The following NEBL variants were observed in gnomAD, a reference collection of about 807,000 sequenced individuals.
NEBL encodes the protein nebulette.
NEBL carries 122 observed loss-of-function variants against 140.2 expected under a neutral mutation model. The ratio of observed to expected loss-of-function variants is 0.87; its 90% CI spans 0.75 to 1.01. NEBL has a LOEUF of 1.01. Ranked by LOEUF, NEBL falls within the 50% of genes least tolerant of loss-of-function variation. The pLI is 0.00. For missense variants in NEBL, 1,365 were observed against 1,231.3 expected (o/e 1.11, Z -1.62); for synonymous variants, 436 against 398.9 (o/e 1.09, Z -1.11).
intron 24 of NEBL, among the ~76,000 whole-genome samples, chr10:20,811,807 C>T (rs1003034586): frequency 5.9e-5 from 9 of 152,160 alleles, no homozygotes; most frequent in South Asian, 2.1e-4. Context: ...CTTTAAGCTA[C>T]GTAACTACAT....
At chr10:21,257,478 A>G (rs914061630) in intron 1 of NEBL, among the ~76,000 whole-genome samples, 1 of 152,244 alleles carries the variant, frequency 6.6e-6, no homozygotes, top group Non-Finnish European at 1.5e-5. Context: ...TGCCTGGCAC[A>G]TAATAGCTAG....
Position 21,044,329 on chromosome 10 carries a change from G to A in NEBL, c.165-24128C>T, listed in dbSNP as rs373199762. On this transcript the variant is annotated intron_variant, in intron 2 of 6. Coordinates refer to the NEBL transcript ENST00000417816. ...GGAGAATCGCTTGAACCCGGGAGGC[G>A]GAGGTTGAAGTGAGCTGAGATGGTG... Among the ~76,000 whole-genome samples, 182 of 148,382 alleles carry A rather than the reference G, an allele frequency of 1.2e-3. 1 individual carries two copies. The highest frequency in any genetic ancestry group is 4.3e-3 in the African/African-American group (173 of 40,618).
intron 24 of NEBL, among the ~76,000 whole-genome samples, chr10:20,810,265 C>T (rs1838006502): frequency 2.6e-5 from 4 of 152,112 alleles, no homozygotes; most frequent in African/African-American, 9.7e-5. Flanking sequence ...TTGCTCTCCA[C>T]AGGCTGAAAC....
chr10:20,835,509 T>C lies in NEBL; in HGVS notation c.1449+4A>G. 1 of 1,603,066 alleles carries C rather than the reference T, an allele frequency of 6.2e-7. No homozygotes were observed. ...TTAAGGCCTGCATCACGCACCCTAC[T>C]AACCTCACTCGCTATCTCTGCAGCC... is the stretch of plus-strand genomic sequence containing the variant. On this transcript the variant is annotated splice_donor_region_variant and intron_variant, in intron 14 of 27. Coordinates refer to ENST00000377122, the MANE Select transcript of NEBL (RefSeq NM_006393.3).
At chr10:21,079,030 C>T (rs1341920443) in intron 2 of NEBL, among the ~76,000 whole-genome samples, 1 of 152,204 alleles carries the variant, frequency 6.6e-6, no homozygotes, top group Admixed American at 6.5e-5. Flanking sequence ...ACCTCCAGAT[C>T]TAAATGACAA....
intron 4 of NEBL, among the ~76,000 whole-genome samples, chr10:20,951,693 A>C (rs1041883068): frequency 2.6e-5 from 4 of 152,334 alleles, no homozygotes; most frequent in South Asian, 2.1e-4. Context: ...CTTCATTGAC[A>C]TTATAATTAT....
At chr10:21,055,858 C>T (rs7073813) in intron 2 of NEBL, among the ~76,000 whole-genome samples, 1 of 152,114 alleles carries the variant, frequency 6.6e-6, no homozygotes, top group East Asian at 1.9e-4. Context: ...AGAAATGATC[C>T]GGAATGACTC....
chr10:20,956,162 G>A (rs994919268), intron 4 of NEBL, among the ~76,000 whole-genome samples: 1 of 152,172 alleles, frequency 6.6e-6, no homozygotes, highest in Admixed American at 6.5e-5. Flanking sequence ...GGAAACCACA[G>A]ATTTGGAAAC....
chr10:20,925,843 GT>G lies in NEBL; in HGVS notation c.357+35828del, dbSNP rs532616581. ...TCTCTAATTAACGACATTTTGGGCA[GT>G]TTTTTTGTTTCCTCTAGCTGAAAGT... is the stretch of plus-strand genomic sequence containing the variant. On this transcript the variant is annotated intron_variant, in intron 4 of 6. Transcript: ENST00000417816. Among the ~76,000 whole-genome samples, 248 of 152,202 alleles carry G rather than the reference GT, an allele frequency of 1.6e-3. 3 individuals carry two copies. The highest frequency in any genetic ancestry group is 5.6e-3 in the African/African-American group (232 of 41,534).
chr10:20,912,858 A>T (rs1230972498), intron 4 of NEBL, among the ~76,000 whole-genome samples: 2 of 143,486 alleles, frequency 1.4e-5, no homozygotes, highest in Non-Finnish European at 3.0e-5. Flanking sequence ...CTTGTTCCTC[A>T]TGGGGGCCAT....
At chr10:21,284,210 C>CAAA (rs35693200) in intron 1 of NEBL, among the ~76,000 whole-genome samples, 50 of 37,086 alleles carry the variant, frequency 1.3e-3, no homozygotes, top group East Asian at 5.1e-3. Flanking sequence ...ACTCCGTCTC[C>CAAA]AAAAAAAAAA....
intron 2 of NEBL, among the ~76,000 whole-genome samples, chr10:21,045,461 C>G (rs578050188): frequency 6.6e-6 from 1 of 152,274 alleles, no homozygotes; most frequent in African/African-American, 2.4e-5. Context: ...TGTGAATGTT[C>G]AATTGCTTAA....
intron 2 of NEBL, among the ~76,000 whole-genome samples, chr10:21,116,165 T>A (rs1158402177): frequency 6.6e-6 from 1 of 152,124 alleles, no homozygotes; most frequent in East Asian, 1.9e-4. Context: ...TCTTTTAATG[T>A]CCTTGTATTA....
rs189607572 is a variant in NEBL at position 21,245,946 on chromosome 10, C to A, written n.348+1975G>T. ...TCCTGACCTCGTGATCCGCCCGCCT[C>A]AGCCTCCCAGAGTGCTGGGATTATA... On this transcript the variant is annotated intron_variant and non_coding_transcript_variant, in intron 3 of 8. Coordinates refer to the NEBL transcript ENST00000675702. Among the ~76,000 whole-genome samples the A allele has an allele frequency of 2.6e-5, 4 of 152,362 alleles. No homozygotes were observed. The East Asian group carries it at 7.7e-4, about 29-fold the overall frequency.
chr10:21,189,420 A>G (rs1040048236), intron 3 of NEBL, among the ~76,000 whole-genome samples: 1 of 152,182 alleles, frequency 6.6e-6, no homozygotes, highest in Admixed American at 6.5e-5. Flanking sequence ...TTTCCCCTCC[A>G]GAACCATGGA....
chr10:21,145,432 G>T (rs1377318555), intron 2 of NEBL, among the ~76,000 whole-genome samples: 1 of 152,216 alleles, frequency 6.6e-6, no homozygotes, highest in Non-Finnish European at 1.5e-5. Flanking sequence ...CATTAAAAAG[G>T]ATTAAATAGA....
intron 2 of NEBL, among the ~76,000 whole-genome samples, chr10:21,061,156 A>C (rs925566366): frequency 1.3e-5 from 2 of 151,238 alleles, no homozygotes; most frequent in African/African-American, 4.9e-5. Context: ...TATATGATAC[A>C]TGTTCTTATA....
At chr10:20,831,722 T>C (rs747250607) in intron 14 of NEBL, 139 bp from the exon 15 acceptor site, 7 of 650,414 alleles carry the variant, frequency 1.1e-5, no homozygotes, top group East Asian at 2.7e-5. Flanking sequence ...TATAGAATAA[T>C]AGAGTTTTTA....
At chr10:21,126,923 A>G (rs1564520534) in intron 2 of NEBL, among the ~76,000 whole-genome samples, 1 of 148,024 alleles carries the variant, frequency 6.8e-6, no homozygotes, top group Admixed American at 6.8e-5. Context: ...TCTAGTGAGC[A>G]GAGATCGAGC....
Sources: gnomAD v4.1 joint callset for allele counts (sites outside exome capture counted in the v4.1 genomes callset) on GRCh38, gnomAD v4.1.1 for gene constraint, MANE v1.5 for transcripts, NCBI Gene and HGNC (gene_info 2026-07-23, HGNC 2026-07-21) for gene names.